TERT: variants seen among roughly 807,000 people sequenced by gnomAD.
TERT encodes telomerase reverse transcriptase, also known as telomerase catalytic subunit.
Under a neutral mutation model 104.0 loss-of-function variants are expected in TERT, and 42 were observed. The observed-to-expected ratio is 0.40, with a 90% CI of 0.32 to 0.52. The LOEUF (loss-of-function observed/expected upper bound fraction) is 0.52. TERT is among the 20% of genes least tolerant of loss of function. The pLI is 0.43. For synonymous variants in TERT, 781 were observed against 725.6 expected, an observed-to-expected ratio of 1.08 and a Z score of -1.23; for missense variants, 1,101 against 1,610.3, an observed-to-expected ratio of 0.68 and a Z score of 5.41.
chr5:1,286,104 C>T lies in TERT; in HGVS notation c.1574-3480G>A, dbSNP rs896644635. On this transcript the variant is annotated intron_variant, in intron 2 of 15. Transcript: ENST00000310581. This position sits in a 1 kb window ranked among gnomAD's most constrained non-coding sequence, Gnocchi z 5.3. Reference sequence around the variant, plus strand: ...TTTTCCAGGCTGAACCCAGGCCGAGCGGACGTTGCTGTCACTCACTGGCTA... The same window carrying T: ...TTTTCCAGGCTGAACCCAGGCCGAGTGGACGTTGCTGTCACTCACTGGCTA... Among the ~76,000 whole-genome samples the T allele has an allele frequency of 3.3e-5, 5 of 152,118 alleles. No homozygotes were observed. The highest frequency in any genetic ancestry group is 3.9e-4 in the East Asian group (2 of 5,174).
At chr5:1,272,382 C>A in intron 6 of TERT, 102 bp from the exon 7 acceptor site, 2 of 1,073,952 alleles carry the variant, frequency 1.9e-6, no homozygotes, top group South Asian at 2.7e-5. Flanking sequence ...GCGGCCAAGC[C>A]CGATGGCGGG....
At chr5:1,289,574 G>A (rs868611028) in intron 2 of TERT, among the ~76,000 whole-genome samples, 8 of 91,442 alleles carry the variant, frequency 8.7e-5, no homozygotes, top group Non-Finnish European at 1.1e-4. Flanking sequence ...CACGTGACAG[G>A]GACACCCGGG....
intron 2 of TERT, among the ~76,000 whole-genome samples, chr5:1,289,583 G>C (rs1750735954): frequency 1.8e-5 from 2 of 108,832 alleles, no homozygotes; most frequent in Non-Finnish European, 3.7e-5. Flanking sequence ...GGGACACCCG[G>C]GGACGGCGCC....
intron 9 of TERT, among the ~76,000 whole-genome samples, chr5:1,266,927 A>C (rs1236285880): frequency 6.6e-6 from 1 of 152,198 alleles, no homozygotes; most frequent in Non-Finnish European, 1.5e-5. Flanking sequence ...TGTGGTCCTC[A>C]GCATGATCCG....
At position 1,270,769 on chromosome 5, in the gene TERT, G is replaced by A. The variant is rs755131705; in HGVS notation, c.2468+350C>T. Among the ~76,000 whole-genome samples the A allele has an allele frequency of 5.3e-5, 8 of 152,232 alleles. No homozygotes were observed. Among genetic ancestry groups the A allele is most frequent in the South Asian group, 2.1e-4 (1 of 4,830 alleles). On this transcript the variant is annotated intron_variant, in intron 8 of 15. Transcript: ENST00000310581. This position sits in a 1 kb window ranked among gnomAD's most constrained non-coding sequence, Gnocchi z 8.3. The stretch of plus-strand genomic sequence containing the variant: ...AGCGTGTGAGAGCCGGGTGTCCAGC[G>A]TCAGTAGTAACTTGGAGCTGACAAG...
In TERT at chr5:1,266,490, G is replaced by A. The variant is rs199422303; in HGVS notation, c.2628C>T (p.His876=). 6.2e-6 allele frequency: 10 copies of A among 1,610,518 alleles called. No individual in the cohort carries two copies. Among genetic ancestry groups the A allele is most frequent in the Non-Finnish European group, 8.5e-6 (10 of 1,178,438 alleles). Residue 876 remains histidine (H), a synonymous_variant, in exon 10 of 16, where the codon CAC becomes CAT. Coordinates refer to ENST00000310581, the MANE Select transcript of TERT (RefSeq NM_198253.3). ...LVDDFLLVTP[H]LTHAKTFLRT... The stretch of plus-strand genomic sequence containing the variant: ...TGAGGAAGGTTTTCGCGTGGGTGAG[G>A]TGAGGTGTCACCAACAAGAAATCAT...
At chr5:1,266,807 G>A (rs555427972) in intron 9 of TERT, among the ~76,000 whole-genome samples, 3 of 152,170 alleles carry the variant, frequency 2.0e-5, no homozygotes, top group Non-Finnish European at 4.4e-5. Flanking sequence ...CATCAGGCGC[G>A]GCCCCACTTC....
rs1271171667 is a variant in TERT, at chr5:1,293,629, G to A, written c.1257C>T (p.Val419=). The change falls in exon 2 of 16, where the codon GTC becomes GTT. Residue 419 remains valine (V), a synonymous_variant. Coordinates refer to ENST00000310581, the MANE Select transcript of TERT (RefSeq NM_198253.3). ...GGGCACAGACACCGGCTGCTGGGGT[G>A]ACCGCAGCTCGCAGCGGGCAGTGCG... The part of the protein sequence containing the change: ...LKTHCPLRAA[V]TPAAGVCARE... 9 of 1,553,202 alleles carry A rather than the reference G, an allele frequency of 5.8e-6. No individual in the cohort carries two copies. Among genetic ancestry groups the A allele is most frequent in the Non-Finnish European group, 7.0e-6 (8 of 1,148,342 alleles).
rs138280009 is a variant in TERT at position 1,270,808 on chromosome 5, C to T, written c.2468+311G>A. Among the ~76,000 whole-genome samples, 83 of 152,356 alleles carry T rather than the reference C, an allele frequency of 5.4e-4. No homozygotes were observed. The highest frequency in any genetic ancestry group is 1.4e-3 in the African/African-American group (60 of 41,588). On this transcript the variant is annotated intron_variant, in intron 8 of 15. Coordinates refer to ENST00000310581, the MANE Select transcript of TERT (RefSeq NM_198253.3). This position sits in a 1 kb window ranked among gnomAD's most constrained non-coding sequence, Gnocchi z 8.3. The stretch of plus-strand genomic sequence containing the variant: ...GGAGCTGACAAGCTGCAGGCTCAAA[C>T]GCTCGGCGCACACCTGACCCAGACA...
Position 1,270,026 on chromosome 5 carries a change from C to T in TERT, c.2468+1093G>A, listed in dbSNP as rs191723121. ...TCCATCTTAATAAAATTCACGACCA[C>T]GAAGGAGGCCCGTGGTGGCTTCTCT... is the stretch of plus-strand genomic sequence containing the variant. On this transcript the variant is annotated intron_variant, in intron 8 of 15. Transcript: ENST00000310581. The surrounding 1 kb of genome is among the most constrained non-coding windows in gnomAD (Gnocchi z 8.3). 5.7e-4 allele frequency among the ~76,000 whole-genome samples: 87 copies of T among 152,198 alleles called. 1 individual carries two copies. The Middle Eastern group carries it at 0.01, about 18-fold the overall frequency.
At position 1,279,218 on chromosome 5, in the gene TERT, C is replaced by T. The variant is rs994557091; in HGVS notation, c.2130+73G>A. 6.6e-6 allele frequency: 10 copies of T among 1,504,506 alleles called. No homozygotes were observed. In the African/African-American group the frequency reaches 8.3e-5, roughly 13 times the overall value. The allele number at this position is 1,504,506 out of a possible 1,614,324, so 93.2% of individuals were successfully genotyped here. On this transcript the variant is annotated intron_variant, in intron 5 of 15. Coordinates refer to ENST00000310581, the MANE Select transcript of TERT (RefSeq NM_198253.3). Reference sequence around the variant, plus strand: ...CCCACCCAGGAGTACCTCCTCCACCCAACATGAGGTGCCAATCAGGCAGCC... The same window carrying T: ...CCCACCCAGGAGTACCTCCTCCACCTAACATGAGGTGCCAATCAGGCAGCC...
chr5:1,278,302 G>A (rs576565660), intron 6 of TERT, among the ~76,000 whole-genome samples: 123 of 152,210 alleles, frequency 8.1e-4, no homozygotes, highest in African/African-American at 2.6e-3. Flanking sequence ...CCATAGACAC[G>A]CATATGTCAC....
intron 6 of TERT, among the ~76,000 whole-genome samples, 185 bp downstream of exon 6, chr5:1,278,455 AC>A (rs34682571): frequency 6.6e-6 from 1 of 151,596 alleles, no homozygotes; most frequent in East Asian, 1.9e-4. Flanking sequence ...ACACACACAC[AC>A]CACAAATATG....
Position 1,286,478 on chromosome 5 carries a change from G to A in TERT, c.1574-3854C>T, listed in dbSNP as rs1174318316. On this transcript the variant is annotated intron_variant, in intron 2 of 15. Transcript: ENST00000310581. This position sits in a 1 kb window ranked among gnomAD's most constrained non-coding sequence, Gnocchi z 5.3. The stretch of plus-strand genomic sequence containing the variant: ...GTCAAGATGCCTGAGATAGAACTAA[G>A]TCAGCAGGGAAAACAGCACACAGGC... 6.6e-6 allele frequency among the ~76,000 whole-genome samples: 1 copy of A among 152,174 alleles called. No homozygotes were observed. Among genetic ancestry groups the A allele is most frequent in the East Asian group, 1.9e-4 (1 of 5,200 alleles).
chr5:1,266,290 C>T (rs536176401), intron 10 of TERT, among the ~76,000 whole-genome samples, 174 bp downstream of exon 10: 11 of 152,252 alleles, frequency 7.2e-5, no homozygotes, highest in African/African-American at 2.4e-4. Flanking sequence ...GGTGCCCCTG[C>T]GCCCCCAGGC....
At position 1,294,793 on chromosome 5, in the gene TERT, G is replaced by A. The variant is rs1401967920; in HGVS notation, c.197C>T (p.Pro66Leu). Residue 66 changes from proline to leucine, a missense_variant, in exon 1 of 16, where the codon CCC (proline) becomes CTC (leucine). Pro to Leu is a moderately conservative substitution (Grantham distance 98). This residue lies in a region of TERT where 87 missense variants were observed against 145.4 expected (regional missense o/e 0.60). Coordinates refer to ENST00000310581, the MANE Select transcript of TERT (RefSeq NM_198253.3). ...CACCTGGCGGAAGGAGGGGGCGGCG[G>A]GGGGCGGCCGTGCGTCCCAGGGCAC... is the stretch of plus-strand genomic sequence containing the variant. ...VCVPWDARPPPAAPSFRQVSC... is the reference protein window; with the variant it reads ...VCVPWDARPPLAAPSFRQVSC... 6.5e-7 allele frequency: 1 copy of A among 1,527,148 alleles called. No homozygotes were observed. Among genetic ancestry groups the A allele is most frequent in the Non-Finnish European group, 8.7e-7 (1 of 1,145,338 alleles). The allele number at this position is 1,527,148 out of a possible 1,614,324, so 94.6% of individuals were successfully genotyped here.
chr5:1,266,306 T>C (rs1748595993), intron 10 of TERT, 158 bp downstream of exon 10: 5 of 746,558 alleles, frequency 6.7e-6, no homozygotes, highest in South Asian at 1.6e-5. Flanking sequence ...CAGGCCTGGG[T>C]GCACGGCCAA....
At chr5:1,258,681 G>A (rs758294954) in intron 12 of TERT, 22 bp from the exon 13 acceptor site, 2 of 1,555,148 alleles carry the variant, frequency 1.3e-6, no homozygotes, top group Non-Finnish European at 1.7e-6. Context: ...AAGAAAGAGT[G>A]AGAAACGGTA....
chr5:1,260,446 ACT>A (rs1393220855), intron 12 of TERT, 26 bp downstream of exon 12: 13 of 1,613,306 alleles, frequency 8.1e-6, no homozygotes, highest in Non-Finnish European at 1.0e-5. Flanking sequence ...TGAACTCTGA[ACT>A]CTGTGCTGAC....
Sources: gnomAD v4.1 joint callset for allele counts (sites outside exome capture counted in the v4.1 genomes callset) on GRCh38, gnomAD v4.1.1 for gene constraint, gnomAD v4.1.1 regional missense constraint, Gnocchi (gnomAD v3.1) non-coding constraint, MANE v1.5 for transcripts, NCBI Gene and HGNC (gene_info 2026-07-23, HGNC 2026-07-21) for gene names.